Variants in ZP1 observed in about 807,000 individuals in gnomAD.
ZP1 encodes the protein zona pellucida sperm-binding protein 1.
In ZP1, 58 loss-of-function variants were observed where a neutral mutation model predicts 67.4. The ratio of observed to expected loss-of-function variants is 0.86; its 90% CI spans 0.70 to 1.07. ZP1 has a LOEUF of 1.07. Among genes scored for constraint, ZP1 ranks in the 50% least tolerant of loss-of-function variants. ZP1 has a pLI of 0.00. For synonymous variants in ZP1, 333 were observed against 332.7 expected (o/e 1.00, Z -0.01); for missense variants, 759 against 807.3 (o/e 0.94, Z 0.72).
chr11:60,873,354 C>T, intron 7 of ZP1, 21 bp from the exon 8 acceptor site: 2 of 1,595,082 alleles, frequency 1.3e-6, no homozygotes, highest in Non-Finnish European at 1.7e-6. Flanking sequence ...CGCCCTGGCT[C>T]ATGAGTCACT....
intron 6 of ZP1, 77 bp downstream of exon 6, chr11:60,871,391 C>G: frequency 6.7e-7 from 1 of 1,492,138 alleles, no homozygotes; most frequent in South Asian, 1.2e-5. Context: ...GTACAGGCTT[C>G]GGAGCCATCT....
In ZP1 at chr11:60,869,628, A is replaced by C; in HGVS notation, c.410A>C (p.Lys137Thr). 1 of 1,614,042 alleles carries C rather than the reference A, an allele frequency of 6.2e-7. No homozygotes were observed. Among genetic ancestry groups the C allele is most frequent in the Non-Finnish European group, 8.5e-7 (1 of 1,179,984 alleles). The change falls in exon 3 of 12, where the codon AAA (lysine) becomes ACA (threonine). Residue 137 changes from lysine to threonine, a missense_variant. By Grantham distance (78) the Lys-to-Thr change is moderately conservative. Coordinates refer to ENST00000278853, the MANE Select transcript of ZP1 (RefSeq NM_207341.4). The stretch of plus-strand genomic sequence containing the variant: ...CAAGACGCTACTCTGATCTGTCCCA[A>C]ACCTGACCCCTCCCGGACTCTGGAC... ...VAQDATLICP[K>T]PDPSRTLDSQ...
intron 6 of ZP1, among the ~76,000 whole-genome samples, chr11:60,872,358 G>A (rs921685592): frequency 6.6e-5 from 10 of 152,108 alleles, no homozygotes; most frequent in Non-Finnish European, 1.3e-4. Flanking sequence ...CAGAAGTCAG[G>A]GGGAAACAGC....
chr11:60,869,236 C>A lies in ZP1; in HGVS notation c.288C>A (p.Ala96=). Residue 96 remains alanine (A), a synonymous_variant, in exon 2 of 12, where the codon GCC becomes GCA. Coordinates refer to ENST00000278853, the MANE Select transcript of ZP1 (RefSeq NM_207341.4). ...CGCAGGAGCCTGCAGTCTTCTCGGC[C>A]GATTACAGAGGCTGCCACGTGCTGG... ...SRPQEPAVFS[A]DYRGCHVLEK... The A allele has an allele frequency of 6.2e-7, 1 of 1,614,192 alleles. No homozygotes were observed. Among genetic ancestry groups the A allele is most frequent in the Non-Finnish European group, 8.5e-7 (1 of 1,180,044 alleles).
At chr11:60,870,501 C>T (rs753277359) in intron 4 of ZP1, 26 bp downstream of exon 4, 5 of 1,576,510 alleles carry the variant, frequency 3.2e-6, no homozygotes, top group South Asian at 1.2e-5. Context: ...CCAGCAAGAT[C>T]CTGGTCCCTT....
rs180860428 is a variant in ZP1, at chr11:60,875,462, G to A, written c.1775-52G>A. The A allele has an allele frequency of 1.9e-6, 3 of 1,604,086 alleles. No individual in the cohort carries two copies. In the African/African-American group the frequency reaches 4.0e-5, roughly 21 times the overall value. ...TGTGATACAAAGTTCTGGGGTGGAG[G>A]GGAGGGTTGGAGGGGCCTCACCCAG... On this transcript the variant is annotated intron_variant, in intron 11 of 11. Coordinates refer to ENST00000278853, the MANE Select transcript of ZP1 (RefSeq NM_207341.4).
chr11:60,869,177 T>C lies in ZP1; in HGVS notation c.229T>C (p.Cys77Arg), dbSNP rs745712910. 6.2e-7 allele frequency: 1 copy of C among 1,614,160 alleles called. No homozygotes were observed. The highest frequency in any genetic ancestry group is 1.1e-5 in the South Asian group (1 of 91,080). ...EFGNRFDVNN[C>R]SICYHWVTSR... ...TGGGAACCGATTTGATGTCAACAAC[T>C]GCTCCATCTGCTACCACTGGGTCAC... The change falls in exon 2 of 12, where the codon TGC (cysteine) becomes CGC (arginine). Residue 77 changes from cysteine (C) to arginine (R), a missense_variant. Coordinates refer to ENST00000278853, the MANE Select transcript of ZP1 (RefSeq NM_207341.4).
Position 60,875,137 on chromosome 11 carries a change from C to T in ZP1, c.1663C>T (p.Arg555Ter), listed in dbSNP as rs376071335. 5 of 1,613,882 alleles carry T rather than the reference C, an allele frequency of 3.1e-6. No homozygotes were observed. Among genetic ancestry groups the T allele is most frequent in the Non-Finnish European group, 3.4e-6 (4 of 1,180,006 alleles). Residue 555 changes from arginine to a stop codon, truncating the protein, a stop_gained, in exon 11 of 12, where the codon CGA becomes TGA. Coordinates refer to ENST00000278853, the MANE Select transcript of ZP1 (RefSeq NM_207341.4). LOFTEE classifies it high-confidence loss of function. ...ACSTGTTRQRRSSGHRNDTAR... is the reference protein window; with the variant it reads ...ACSTGTTRQR ...ATTCTTCCCCTGGGCAGGACAGCGA[C>T]GATCCTCAGGTCACCGTAATGACAC...
At chr11:60,869,357 A>G in intron 2 of ZP1, 91 bp downstream of exon 2, 2 of 1,563,586 alleles carry the variant, frequency 1.3e-6, no homozygotes, top group Non-Finnish European at 1.7e-6. Context: ...AAAGGAGCCA[A>G]AGCCGAAGAT....
Position 60,875,361 on chromosome 11 carries a change from T to C in ZP1, c.1774+113T>C. The C allele has an allele frequency of 2.0e-6, 3 of 1,517,190 alleles. No individual in the cohort carries two copies. The South Asian group carries it at 3.9e-5, about 20-fold the overall frequency. The allele number at this position is 1,517,190 out of a possible 1,614,324, so 94.0% of individuals were successfully genotyped here. On this transcript the variant is annotated intron_variant, in intron 11 of 11. Transcript: ENST00000278853. ...AGCTGAGGGCAAGAGATGGTGTCAC[T>C]GCAGTCAGTGGGGAACTAAGTGAAG... is the stretch of plus-strand genomic sequence containing the variant.
At chr11:60,872,626 T>C (rs940222487) in intron 6 of ZP1, among the ~76,000 whole-genome samples, 3 of 152,204 alleles carry the variant, frequency 2.0e-5, no homozygotes, top group African/African-American at 7.2e-5. Context: ...CATTATCTTG[T>C]GATCTCACTC....
At chr11:60,870,723 G>A (rs1255779543) in intron 4 of ZP1, 9 of 664,816 alleles carry the variant, frequency 1.4e-5, no homozygotes, top group Non-Finnish European at 1.5e-5. Context: ...GAAACGCCCT[G>A]GTTTGGATGA....
At chr11:60,874,165 A>G (rs1166857492) in intron 9 of ZP1, among the ~76,000 whole-genome samples, 2 of 152,244 alleles carry the variant, frequency 1.3e-5, no homozygotes, top group African/African-American at 4.8e-5. Flanking sequence ...TATGTAATAT[A>G]CAGATGGCCT....
In ZP1 at chr11:60,871,319, G is replaced by C; in HGVS notation, c.1112+5G>C. On this transcript the variant is annotated splice_donor_5th_base_variant and intron_variant, in intron 6 of 11. Coordinates refer to ENST00000278853, the MANE Select transcript of ZP1 (RefSeq NM_207341.4). ...CACGCGGGACAGCACCTTCCAGTAA[G>C]GGCAGCCCTCCTCCTACAGGCGTGG... The C allele has an allele frequency of 6.2e-7, 1 of 1,613,424 alleles. No homozygotes were observed. Among genetic ancestry groups the C allele is most frequent in the South Asian group, 1.1e-5 (1 of 91,058 alleles).
At chr11:60,873,901 A>C in intron 9 of ZP1, 126 bp downstream of exon 9, 2 of 1,317,928 alleles carry the variant, frequency 1.5e-6, no homozygotes, top group Non-Finnish European at 1.0e-6. Context: ...GGCGTCTACC[A>C]GGTGTCATGG....
chr11:60,873,774 T>C lies in ZP1; in HGVS notation c.1571T>C (p.Leu524Pro). The C allele has an allele frequency of 6.2e-7, 1 of 1,613,730 alleles. No homozygotes were observed. The highest frequency in any genetic ancestry group is 1.1e-5 in the South Asian group (1 of 91,076). Residue 524 changes from leucine (L) to proline (P), a missense_variant and splice_region_variant, in exon 9 of 12, where the codon CTG becomes CCG. Transcript: ENST00000278853. Reference sequence around the variant, plus strand: ...GGCTCCCAGAGAGCCCTCAGAGGACTGGTAAGAAGCCCCGGCTGCCGCATG... The same window carrying C: ...GGCTCCCAGAGAGCCCTCAGAGGACCGGTAAGAAGCCCCGGCTGCCGCATG... ...DSGSQRALRG[L>P]VYLFCSTSAC...
Position 60,875,533 on chromosome 11 carries a change from C to A in ZP1, c.1794C>A (p.Ser598Arg). 1 of 1,614,050 alleles carries A rather than the reference C, an allele frequency of 6.2e-7. No homozygotes were observed. Among genetic ancestry groups the A allele is most frequent in the Non-Finnish European group, 8.5e-7 (1 of 1,179,936 alleles). The change falls in exon 12 of 12, where the codon AGC becomes AGA. Residue 598 changes from serine (S) to arginine (R), a missense_variant. Ser to Arg is a moderately radical substitution (Grantham distance 110). Transcript: ENST00000278853. The part of the protein sequence containing the change: ...LGPTDSNGNS[S>R]LRPLLWAVLL... ...TGACAGACTCCAATGGGAACTCCAG[C>A]CTGAGACCTCTCCTTTGGGCGGTCC...
intron 1 of ZP1, 101 bp downstream of exon 1, chr11:60,867,858 C>T: frequency 1.5e-6 from 2 of 1,365,388 alleles, no homozygotes; most frequent in African/African-American, 1.5e-5. Flanking sequence ...CAGAGGCCTC[C>T]CTCCAGCCTG....
intron 6 of ZP1, 104 bp downstream of exon 6, chr11:60,871,418 T>C: frequency 7.8e-7 from 1 of 1,274,960 alleles, no homozygotes; most frequent in Non-Finnish European, 1.1e-6. Flanking sequence ...AAACCCAGGC[T>C]CTGCTGTTAC....
Sources: gnomAD v4.1 joint callset for allele counts (sites outside exome capture counted in the v4.1 genomes callset) on GRCh38, gnomAD v4.1.1 for gene constraint, MANE v1.5 for transcripts, NCBI Gene and HGNC (gene_info 2026-07-23, HGNC 2026-07-21) for gene names.